STAU2: variants seen among roughly 807,000 people sequenced by gnomAD.
STAU2 encodes staufen double-stranded RNA binding protein 2.
STAU2 carries 20 observed loss-of-function variants against 65.9 expected under a neutral mutation model. The ratio of observed to expected loss-of-function variants is 0.30; its 90% confidence interval spans 0.21 to 0.44. The LOEUF (loss-of-function observed/expected upper bound fraction) is 0.44. Among genes scored for constraint, STAU2 ranks in the 20% least tolerant of loss-of-function variants. The pLI is 1.00. For missense variants in STAU2, 558 were observed against 683.9 expected (o/e 0.82, Z 2.05); for synonymous variants, 232 against 233.9 (o/e 0.99, Z 0.07).
chr8:73,446,311 T>C (rs932988092), intron 13 of STAU2, among the ~76,000 whole-genome samples: 2 of 152,294 alleles, frequency 1.3e-5, no homozygotes, highest in East Asian at 1.9e-4. Context: ...GAGGGGAGAA[T>C]AGACAGCACG....
chr8:73,699,207 C>T (rs949123268), intron 4 of STAU2, among the ~76,000 whole-genome samples: 2 of 151,872 alleles, frequency 1.3e-5, no homozygotes, highest in Admixed American at 6.6e-5. Context: ...GCTACACACA[C>T]CTACATCAAA....
intron 11 of STAU2, among the ~76,000 whole-genome samples, chr8:73,583,661 A>C (rs572629547): frequency 6.6e-6 from 1 of 152,174 alleles, no homozygotes; most frequent in East Asian, 1.9e-4. Flanking sequence ...CAAATATAAA[A>C]AAAATAAAAA....
At chr8:73,452,935 G>T (rs984955102) in intron 13 of STAU2, among the ~76,000 whole-genome samples, 1 of 152,302 alleles carries the variant, frequency 6.6e-6, no homozygotes, top group South Asian at 2.1e-4. Flanking sequence ...GAAAGGTTTA[G>T]AAACAATAAA....
chr8:73,686,530 C>T (rs888172295), intron 5 of STAU2, among the ~76,000 whole-genome samples: 3 of 144,210 alleles, frequency 2.1e-5, no homozygotes, highest in African/African-American at 7.8e-5. Flanking sequence ...AGCCTGGTGA[C>T]AGAGCGAGAC....
chr8:73,736,161 A>G (rs1475598533), intron 3 of STAU2, among the ~76,000 whole-genome samples: 3 of 152,216 alleles, frequency 2.0e-5, no homozygotes, highest in East Asian at 3.8e-4. Context: ...AAACTAAATA[A>G]TAACTTTACA....
intron 13 of STAU2, among the ~76,000 whole-genome samples, chr8:73,525,265 A>C (rs887670494): frequency 1.4e-4 from 22 of 152,214 alleles, no homozygotes; most frequent in African/African-American, 5.3e-4. Context: ...GTCTTAATTT[A>C]TCATTGAGTG....
intron 6 of STAU2, among the ~76,000 whole-genome samples, chr8:73,638,226 AAAATT>A: frequency 6.6e-6 from 1 of 151,828 alleles, no homozygotes; most frequent in South Asian, 2.1e-4. Context: ...ATAAATACAA[AAAATT>A]AAATACCCAC....
At position 73,595,813 on chromosome 8, in the gene STAU2, T is replaced by G. The variant is rs528288838; in HGVS notation, c.1030-516A>C. On this transcript the variant is annotated intron_variant, in intron 10 of 14. Coordinates refer to ENST00000524300, the MANE Select transcript of STAU2 (RefSeq NM_001164380.2). ...TAATATACAAGTGTTCCTACAACAT[T>G]ATGATTAAAAACAAGGCTTCTGGCC... Among the ~76,000 whole-genome samples, 3 of 152,176 alleles carry G rather than the reference T, an allele frequency of 2.0e-5. No individual in the cohort carries two copies. The South Asian group carries it at 6.2e-4, about 32-fold the overall frequency.
At chr8:73,442,542 C>T (rs1277375551) in intron 13 of STAU2, among the ~76,000 whole-genome samples, 1 of 152,092 alleles carries the variant, frequency 6.6e-6, no homozygotes, top group Non-Finnish European at 1.5e-5. Flanking sequence ...CTACCTCCAC[C>T]CCTAAATGAG....
At chr8:73,581,634 T>A (rs1809993192) in intron 12 of STAU2, among the ~76,000 whole-genome samples, 1 of 152,210 alleles carries the variant, frequency 6.6e-6, no homozygotes, top group Non-Finnish European at 1.5e-5. Flanking sequence ...AATCCTGAAC[T>A]GATTCCATTT....
intron 7 of STAU2, 88 bp from the exon 8 acceptor site, chr8:73,615,870 T>C (rs1812801304): frequency 1.0e-6 from 1 of 982,266 alleles, no homozygotes; most frequent in Non-Finnish European, 1.6e-6. Context: ...CTATTTAAAT[T>C]ACAAGAAGAA....
At chr8:73,650,164 T>C (rs564935055) in intron 6 of STAU2, among the ~76,000 whole-genome samples, 10 of 151,968 alleles carry the variant, frequency 6.6e-5, no homozygotes, top group African/African-American at 2.4e-4. Flanking sequence ...TAATTTAACA[T>C]GGTCCCAGCT....
chr8:73,626,449 A>C (rs1407277142), intron 6 of STAU2, among the ~76,000 whole-genome samples: 1 of 152,222 alleles, frequency 6.6e-6, no homozygotes, highest in Non-Finnish European at 1.5e-5. Context: ...AAGCCACTGG[A>C]AAGTTTTAAG....
intron 6 of STAU2, among the ~76,000 whole-genome samples, chr8:73,650,384 G>A (rs190151931): frequency 2.1e-4 from 32 of 151,988 alleles, no homozygotes; most frequent in Middle Eastern, 3.4e-3. Context: ...AGATGTTATC[G>A]TATCATAAAT....
intron 12 of STAU2, among the ~76,000 whole-genome samples, chr8:73,569,723 T>A (rs898200254): frequency 2.0e-5 from 3 of 151,950 alleles, no homozygotes; most frequent in Middle Eastern, 3.2e-3. Flanking sequence ...TCCAGCAAAC[T>A]CCAACAGACC....
intron 11 of STAU2, among the ~76,000 whole-genome samples, chr8:73,591,688 T>C (rs1405459928): frequency 1.3e-5 from 2 of 151,204 alleles, no homozygotes; most frequent in Admixed American, 6.6e-5. Flanking sequence ...AGTTTCAAAA[T>C]GCATAAAACA....
chr8:73,618,077 C>A (rs542375224), intron 6 of STAU2, among the ~76,000 whole-genome samples: 25 of 152,050 alleles, frequency 1.6e-4, no homozygotes, highest in South Asian at 6.2e-4. Flanking sequence ...AACAAAAAAA[C>A]CAAAAGAAAT....
rs200715334 is a variant in STAU2 at position 73,632,548 on chromosome 8, TATTTGCAGAGG to T, written c.411-15108_411-15098del. Among the ~76,000 whole-genome samples the T allele has an allele frequency of 2.7e-3, 410 of 152,328 alleles. 4 individuals are homozygous for T. The highest frequency in any genetic ancestry group is 0.021 in the Admixed American group (327 of 15,302). ...GTTTGCAAATAAGACCATATAATCC[TATTTGCAGAGG>T]ATGACACTTCTTATGAGACTTAGAA... is the stretch of plus-strand genomic sequence containing the variant. On this transcript the variant is annotated intron_variant, in intron 6 of 14. Transcript: ENST00000524300.
chr8:73,495,052 T>G (rs11774483), intron 13 of STAU2, among the ~76,000 whole-genome samples: 34,158 of 151,396 alleles, frequency 0.23, 4,637 homozygotes, highest in East Asian at 0.52. Context: ...GTATTCCACT[T>G]ATAAATCAAT....
Sources: allele counts gnomAD v4.1 joint callset (sites outside exome capture counted in the v4.1 genomes callset), GRCh38; gene constraint gnomAD v4.1.1; transcripts MANE v1.5; gene names NCBI Gene and HGNC (gene_info 2026-07-23, HGNC 2026-07-21).